RALGDS: variants seen among roughly 807,000 people sequenced by gnomAD.
RALGDS encodes ral guanine nucleotide exchange factor.
In RALGDS, 44 loss-of-function variants were observed where a neutral mutation model predicts 99.8. The observed-to-expected ratio is 0.44, with a 90% CI of 0.35 to 0.57. The LOEUF is 0.57. Among genes scored for constraint, RALGDS ranks in the 20% least tolerant of loss-of-function variants. The pLI is 0.01. For synonymous variants in RALGDS, 529 were observed against 505.0 expected (o/e 1.05, Z -0.64); for missense variants, 1,022 against 1,203.1 (o/e 0.85, Z 2.23).
rs550494807 is a variant in RALGDS at position 133,139,830 on chromosome 9, G to A, written c.18+9133C>T. Reference sequence around the variant, plus strand: ...GAGGGCCTGCCCATGCGGTGCCAGGGGCCTCAGGAACATCTCATACTCCCC... The same window carrying A: ...GAGGGCCTGCCCATGCGGTGCCAGGAGCCTCAGGAACATCTCATACTCCCC... On this transcript the variant is annotated intron_variant, in intron 1 of 17. Transcript: ENST00000393160. Among the ~76,000 whole-genome samples the A allele has an allele frequency of 9.2e-5, 14 of 152,226 alleles. No homozygotes were observed. The South Asian group carries it at 1.7e-3, about 18-fold the overall frequency.
At chr9:133,120,886 T>C (rs1588552644) in intron 1 of RALGDS, 86 bp downstream of exon 1, 7 of 1,332,932 alleles carry the variant, frequency 5.3e-6, no homozygotes, top group Non-Finnish European at 6.8e-6. Flanking sequence ...CCCGGCCCCG[T>C]CCGGGGCTCG....
At chr9:133,117,985 G>C (rs948221835) in intron 1 of RALGDS, among the ~76,000 whole-genome samples, 4 of 152,210 alleles carry the variant, frequency 2.6e-5, no homozygotes, top group Non-Finnish European at 5.9e-5. Context: ...CGAGCAGCTT[G>C]ATATCTCCCA....
At chr9:133,126,967 G>A (rs1287656323) in intron 1 of RALGDS, among the ~76,000 whole-genome samples, 1 of 152,184 alleles carries the variant, frequency 6.6e-6, no homozygotes, top group Middle Eastern at 3.2e-3. Flanking sequence ...ATCCCGCAAA[G>A]CCCCCCACTG....
intron 8 of RALGDS, among the ~76,000 whole-genome samples, 199 bp from the exon 9 acceptor site, chr9:133,106,215 T>G (rs571404893): frequency 1.3e-5 from 2 of 151,978 alleles, no homozygotes; most frequent in Admixed American, 6.6e-5. Flanking sequence ...CCGTTTCCAC[T>G]GAGCAGCTAT....
chr9:133,112,806 C>T (rs1831415931), intron 1 of RALGDS, among the ~76,000 whole-genome samples: 1 of 152,198 alleles, frequency 6.6e-6, no homozygotes, highest in Admixed American at 6.5e-5. Flanking sequence ...CACTTCCTTC[C>T]CCTCTGCTCA....
intron 1 of RALGDS, among the ~76,000 whole-genome samples, chr9:133,136,874 T>C (rs1411624946): frequency 6.6e-6 from 1 of 151,716 alleles, no homozygotes; most frequent in African/African-American, 2.4e-5. Flanking sequence ...GAGGTGGAGG[T>C]TGCAGTGAGC....
At chr9:133,130,870 C>G in intron 1 of RALGDS, 3 of 1,342,334 alleles carry the variant, frequency 2.2e-6, no homozygotes, top group Non-Finnish European at 3.1e-6. Flanking sequence ...GACCTGGGGG[C>G]CAGAACACTC....
At chr9:133,146,481 C>T (rs1029172235) in intron 1 of RALGDS, among the ~76,000 whole-genome samples, 8 of 152,162 alleles carry the variant, frequency 5.3e-5, no homozygotes, top group East Asian at 1.9e-4. Flanking sequence ...TGTGAGCCAC[C>T]GCGCCCAGCC....
intron 1 of RALGDS, among the ~76,000 whole-genome samples, chr9:133,128,408 C>T (rs1038172791): frequency 3.9e-5 from 6 of 152,134 alleles, no homozygotes; most frequent in Non-Finnish European, 8.8e-5. Flanking sequence ...TGTCCCCAAG[C>T]CCAGGGGCCC....
intron 1 of RALGDS, among the ~76,000 whole-genome samples, chr9:133,136,298 G>C (rs1218713468): frequency 6.6e-6 from 1 of 152,272 alleles, no homozygotes; most frequent in Non-Finnish European, 1.5e-5. Context: ...CAGGCCAGGA[G>C]GGCTGAGGGG....
At chr9:133,132,069 A>G (rs35734958), upstream of RALGDS, among the ~76,000 whole-genome samples, 36,724 of 152,210 alleles carry the variant, frequency 0.24, 4,963 homozygotes, top group Middle Eastern at 0.39. Flanking sequence ...GCCTGACTCC[A>G]TCCCTGGCAG....
chr9:133,134,171 G>A (rs1832389400), upstream of RALGDS, among the ~76,000 whole-genome samples: 1 of 152,206 alleles, frequency 6.6e-6, no homozygotes. Context: ...TAGTGATGCT[G>A]TGGTCGTGCA....
At chr9:133,100,629 C>G (rs968292072) in intron 16 of RALGDS, 1 of 1,384,662 alleles carries the variant, frequency 7.2e-7, no homozygotes, top group Non-Finnish European at 9.4e-7. Flanking sequence ...CAGTGCCTAC[C>G]CTGCTTCTCC....
chr9:133,111,374 G>A (rs1377516419), intron 2 of RALGDS, among the ~76,000 whole-genome samples: 3 of 151,766 alleles, frequency 2.0e-5, no homozygotes, highest in Non-Finnish European at 4.4e-5. Context: ...TCAGCCTCCT[G>A]GGCTGAAGCA....
intron 13 of RALGDS, 95 bp from the exon 14 acceptor site, chr9:133,102,666 A>C: frequency 6.2e-7 from 1 of 1,604,894 alleles, no homozygotes; most frequent in Non-Finnish European, 8.5e-7. Context: ...TGCCCCGGCC[A>C]TCCTCAGGCA....
At chr9:133,142,175 G>C (rs1195271553) in intron 1 of RALGDS, among the ~76,000 whole-genome samples, 2 of 152,172 alleles carry the variant, frequency 1.3e-5, no homozygotes, top group African/African-American at 4.8e-5. Context: ...GTGGACTGGG[G>C]TGTCCCTCAG....
intron 15 of RALGDS, 56 bp downstream of exon 15, chr9:133,101,882 A>C: frequency 5.8e-6 from 9 of 1,550,976 alleles, no homozygotes; most frequent in Non-Finnish European, 7.8e-6. Context: ...GGCCCCATGC[A>C]TGGATTTGGA....
At chr9:133,130,593 T>C (rs529539524) in intron 1 of RALGDS, among the ~76,000 whole-genome samples, 1 of 152,072 alleles carries the variant, frequency 6.6e-6, no homozygotes, top group African/African-American at 2.4e-5. Context: ...ATGAGTACAT[T>C]TGGCTTTTAG....
At chr9:133,107,377 T>C in intron 6 of RALGDS, 77 bp from the exon 7 acceptor site, 4 of 1,309,174 alleles carry the variant, frequency 3.1e-6, no homozygotes, top group Non-Finnish European at 4.3e-6. Context: ...GGATGCAGCT[T>C]GAGCCTTGTG....
Sources: allele counts gnomAD v4.1 joint callset (sites outside exome capture counted in the v4.1 genomes callset), GRCh38; gene constraint gnomAD v4.1.1; transcripts MANE v1.5; gene names NCBI Gene and HGNC (gene_info 2026-07-23, HGNC 2026-07-21).